The following BCLAF3 variants were observed in gnomAD, a reference collection of about 807,000 sequenced individuals.
BCLAF3 encodes the protein BCLAF1 and THRAP3 family member 3, also known as transient octamer binding factor 1.
BCLAF3 carries 24 observed loss-of-function variants against 51.2 expected under a neutral mutation model. That is an observed-to-expected ratio of 0.47 (90% CI 0.34 to 0.66). BCLAF3 has a LOEUF of 0.66. Ranked by LOEUF, BCLAF3 falls within the 30% of genes least tolerant of loss-of-function variation. The pLI, the probability that BCLAF3 is intolerant of heterozygous loss-of-function variation, is 0.01. For synonymous variants in BCLAF3, 152 were observed against 176.6 expected (o/e 0.86, Z 1.10); for missense variants, 465 against 525.1 (o/e 0.89, Z 1.12).
intron 4 of BCLAF3, among the ~76,000 whole-genome samples, chrX:19,963,108 A>G (rs750959817): frequency 1.8e-5 from 2 of 109,709 alleles, no homozygotes; most frequent in South Asian, 7.9e-4. Flanking sequence ...AGAAAGAAAG[A>G]AAAGTATGTA....
At chrX:19,924,539 G>A (rs2070297355) in intron 11 of BCLAF3, among the ~76,000 whole-genome samples, 1 of 110,158 alleles carries the variant, frequency 9.1e-6, no homozygotes, top group Admixed American at 9.8e-5. Context: ...TTCTATTTTC[G>A]TACTCCATGA....
intron 10 of BCLAF3, 103 bp from the exon 11 acceptor site, chrX:19,930,043 G>C (rs1202185515): frequency 1.3e-6 from 1 of 798,122 alleles, no homozygotes; most frequent in South Asian, 2.9e-5. Context: ...GCTCACGCCT[G>C]TAATCCCAGC....
intron 1 of BCLAF3, among the ~76,000 whole-genome samples, chrX:19,974,086 T>C (rs773392179): frequency 8.1e-5 from 9 of 111,602 alleles, no homozygotes; most frequent in South Asian, 3.8e-4. Context: ...AATCCCCACA[T>C]ACGCCAAAAT....
At chrX:19,987,656 C>T (rs1016492754) in intron 1 of BCLAF3, among the ~76,000 whole-genome samples, 2 of 112,262 alleles carry the variant, frequency 1.8e-5, no homozygotes, top group South Asian at 3.6e-4. Flanking sequence ...ATTTATCAAA[C>T]GTGACTAAGT....
At chrX:19,925,909 T>C (rs1156596917) in intron 11 of BCLAF3, among the ~76,000 whole-genome samples, 1 of 111,978 alleles carries the variant, frequency 8.9e-6, no homozygotes, top group Non-Finnish European at 1.9e-5. Flanking sequence ...ACAGAACAGC[T>C]TCAATGCCTC....
At chrX:19,987,185 G>A (rs2072829280) in intron 1 of BCLAF3, among the ~76,000 whole-genome samples, 2 of 111,629 alleles carry the variant, frequency 1.8e-5, no homozygotes, top group African/African-American at 6.5e-5. Context: ...TAGCAGAGAT[G>A]AGTCTAAGTC....
chrX:19,984,376 C>A (rs957225704), intron 1 of BCLAF3, among the ~76,000 whole-genome samples: 13 of 110,467 alleles, frequency 1.2e-4, no homozygotes, highest in Non-Finnish European at 2.1e-4. Flanking sequence ...AATAAGGAGA[C>A]CTAAAATCTA....
At chrX:19,962,420 A>G (rs1031703962) in intron 4 of BCLAF3, among the ~76,000 whole-genome samples, 13 of 112,014 alleles carry the variant, frequency 1.2e-4, no homozygotes, top group African/African-American at 3.6e-4. Context: ...GAGCTCAAGC[A>G]ATTAGCCTGC....
chrX:19,929,749 C>T (rs1177847430), intron 11 of BCLAF3, 36 bp downstream of exon 11: 3 of 1,149,197 alleles, frequency 2.6e-6, no homozygotes, highest in Non-Finnish European at 3.5e-6. Flanking sequence ...GTTTAAAAGT[C>T]ACTAAACATT....
intron 5 of BCLAF3, 71 bp downstream of exon 5, chrX:19,955,320 T>C: frequency 1.3e-6 from 1 of 750,700 alleles, no homozygotes; most frequent in Non-Finnish European, 1.9e-6. Context: ...ATACTGCAGG[T>C]GTTTACCTGT....
rs1203458276 is a variant in BCLAF3, at chrX:19,991,037, C to T, written c.-164G>A. Among the ~76,000 whole-genome samples the T allele has an allele frequency of 7.3e-5, 8 of 109,599 alleles. No homozygotes were observed. The highest frequency in any genetic ancestry group is 1.5e-4 in the Non-Finnish European group (8 of 52,097). ...CACAGCAGCGACACCCCAGCCACCT[C>T]TGCCGGGCCGCGGGACCCGGAACCA... On this transcript the variant is annotated 5_prime_UTR_variant, in exon 1 of 12. Coordinates refer to ENST00000379682, the MANE Select transcript of BCLAF3 (RefSeq NM_001367774.2).
At chrX:19,961,243 T>C (rs2071845440) in intron 4 of BCLAF3, among the ~76,000 whole-genome samples, 1 of 112,693 alleles carries the variant, frequency 8.9e-6, no homozygotes, top group African/African-American at 3.2e-5. Context: ...TTCTGAAACA[T>C]ATAATTATGA....
At chrX:19,956,466 A>G (rs775913991) in intron 4 of BCLAF3, among the ~76,000 whole-genome samples, 3 of 111,927 alleles carry the variant, frequency 2.7e-5, no homozygotes, top group Non-Finnish European at 5.6e-5. Context: ...TTCACATCCC[A>G]GAGATTGAGC....
Position 19,953,019 on chromosome X carries a change from C to T in BCLAF3, c.1598G>A (p.Ser533Asn). The T allele has an allele frequency of 8.3e-7, 1 of 1,208,134 alleles. No individual in the cohort carries two copies. Among genetic ancestry groups the T allele is most frequent in the Non-Finnish European group, 1.1e-6 (1 of 893,217 alleles). Residue 533 changes from serine to asparagine, a missense_variant, in exon 7 of 12, where the codon AGT becomes AAT. Physicochemically the swap from Ser to Asn is conservative, Grantham distance 46. Transcript: ENST00000379682. ...RIDMSLAELQSKQAVIYESEQ... is the reference protein window; with the variant it reads ...RIDMSLAELQNKQAVIYESEQ... ...CGATTCATAGATCACAGCTTGTTTACTCTGAAGCTCGGCCAAAGACATATC... is the reference window on the plus strand; with the variant it reads ...CGATTCATAGATCACAGCTTGTTTATTCTGAAGCTCGGCCAAAGACATATC...
intron 1 of BCLAF3, among the ~76,000 whole-genome samples, chrX:19,970,796 G>A (rs1430685955): frequency 1.8e-5 from 2 of 111,918 alleles, no homozygotes; most frequent in Non-Finnish European, 3.8e-5. Flanking sequence ...TTTAGCTCAA[G>A]TGGGTCATAC....
At chrX:19,952,904 C>A (rs763251560) in intron 7 of BCLAF3, 84 bp downstream of exon 7, 7 of 728,175 alleles carry the variant, frequency 9.6e-6, no homozygotes, top group Non-Finnish European at 1.4e-5. Flanking sequence ...ACTTTAACTC[C>A]CTTTTCTCTC....
intron 1 of BCLAF3, among the ~76,000 whole-genome samples, chrX:19,985,581 C>A (rs1026910064): frequency 3.7e-5 from 4 of 108,807 alleles, no homozygotes; most frequent in Admixed American, 2.0e-4. Flanking sequence ...TGAGACCCTG[C>A]CTCAAAAAAA....
chrX:19,931,725 T>G (rs1006538279), intron 10 of BCLAF3, among the ~76,000 whole-genome samples: 3 of 112,188 alleles, frequency 2.7e-5, no homozygotes, highest in Non-Finnish European at 3.8e-5. Flanking sequence ...GTTCTGAACT[T>G]ATTTAACAAA....
In BCLAF3 at chrX:19,965,073, T is replaced by C. The variant is rs778360057; in HGVS notation, c.1245A>G (p.Val415=). Residue 415 remains valine, a synonymous_variant, in exon 4 of 12, where the codon GTA becomes GTG. Coordinates refer to ENST00000379682, the MANE Select transcript of BCLAF3 (RefSeq NM_001367774.2). ...NLRKKSLTVK[V]DVKKTVDTFR... ...ATGTATCTACTGTTTTCTTCACATC[T>C]ACTTTAACTGTAAGTGATTTCTTCC... 8.5e-7 allele frequency: 1 copy of C among 1,177,176 alleles called. No homozygotes were observed. The highest frequency in any genetic ancestry group is 1.1e-6 in the Non-Finnish European group (1 of 883,175).
Sources: gnomAD v4.1 joint callset for allele counts (sites outside exome capture counted in the v4.1 genomes callset) on GRCh38, gnomAD v4.1.1 for gene constraint, MANE v1.5 for transcripts, NCBI Gene and HGNC (gene_info 2026-07-23, HGNC 2026-07-21) for gene names.